The following HUNK variants were observed in gnomAD, a reference collection of about 807,000 sequenced individuals.
The protein encoded by HUNK is hormonally up-regulated Neu-associated kinase.
Under a neutral mutation model 61.0 loss-of-function variants are expected in HUNK, and 21 were observed. The observed-to-expected ratio is 0.34, with a 90% CI of 0.24 to 0.50. HUNK has a LOEUF of 0.50. HUNK is among the 20% of genes least tolerant of loss of function. The probability of loss-of-function intolerance (pLI) is 0.98; values close to 1 mark genes in which losing one functional copy is unlikely to be tolerated. For synonymous variants in HUNK, 371 were observed against 386.1 expected, an observed-to-expected ratio of 0.96 and a Z score of 0.46; for missense variants, 772 against 945.7, an observed-to-expected ratio of 0.82 and a Z score of 2.41.
intron 9 of HUNK, among the ~76,000 whole-genome samples, chr21:31,993,006 AG>A (rs776110390): frequency 6.6e-6 from 1 of 152,264 alleles, no homozygotes; most frequent in East Asian, 1.9e-4. Context: ...AGGATATGCT[AG>A]GGGTTCTTGG....
intron 7 of HUNK, 24 bp downstream of exon 7, chr21:31,974,741 C>A (rs770525630): frequency 6.3e-7 from 1 of 1,594,970 alleles, no homozygotes; most frequent in Non-Finnish European, 8.5e-7. Context: ...TAGAGGCGAT[C>A]GTCTCTGCTG....
chr21:31,890,593 G>C (rs928833941), intron 1 of HUNK, among the ~76,000 whole-genome samples: 115 of 152,308 alleles, frequency 7.6e-4, no homozygotes, highest in African/African-American at 2.5e-3. Flanking sequence ...TGGAGTTGCT[G>C]TAATTTTTAA....
intron 5 of HUNK, 118 bp from the exon 6 acceptor site, chr21:31,968,132 A>G: frequency 8.3e-7 from 1 of 1,202,230 alleles, no homozygotes; most frequent in Admixed American, 2.0e-5. Context: ...AGAAGAGATC[A>G]CCCCAGCAGT....
Position 31,974,701 on chromosome 21 carries a change from A to G in HUNK, c.1157A>G (p.Glu386Gly). The G allele has an allele frequency of 6.2e-7, 1 of 1,613,486 alleles. No individual in the cohort carries two copies. The highest frequency in any genetic ancestry group is 8.5e-7 in the Non-Finnish European group (1 of 1,179,754). Residue 386 changes from glutamate (E) to glycine (G), a missense_variant, in exon 7 of 11, where the codon GAG (glutamate) becomes GGG (glycine). Physicochemically the swap from Glu to Gly is moderately conservative, Grantham distance 98. Coordinates refer to ENST00000270112, the MANE Select transcript of HUNK (RefSeq NM_014586.2). ...TACTTCCTCTTAAACAAGAAACTGG[A>G]GCGCTATTTGTCAGGGGTAAGTGCG... is the stretch of plus-strand genomic sequence containing the variant. Reference protein sequence around the residue: ...AIYFLLNKKLERYLSGKSDIQ... With the variant: ...AIYFLLNKKLGRYLSGKSDIQ...
rs186510199 is a variant in HUNK at position 31,927,751 on chromosome 21, C to T, written c.554+2991C>T. ...GTGGAGAGAGCTGCCTCCTTACTAACGGGATTGGTGCCGTGGGATGCTCTG... is the reference window on the plus strand; with the variant it reads ...GTGGAGAGAGCTGCCTCCTTACTAATGGGATTGGTGCCGTGGGATGCTCTG... On this transcript the variant is annotated intron_variant, in intron 2 of 10. Coordinates refer to ENST00000270112, the MANE Select transcript of HUNK (RefSeq NM_014586.2). 3.3e-5 allele frequency among the ~76,000 whole-genome samples: 5 copies of T among 152,254 alleles called. No individual in the cohort carries two copies. The East Asian group carries it at 7.8e-4, about 24-fold the overall frequency.
At chr21:31,948,727 A>G (rs1334629546) in intron 4 of HUNK, among the ~76,000 whole-genome samples, 1 of 152,094 alleles carries the variant, frequency 6.6e-6, no homozygotes, top group East Asian at 1.9e-4. Flanking sequence ...CATCCAGGGA[A>G]ACAGAAGCTG....
chr21:31,925,879 A>C (rs1316330995), intron 2 of HUNK, among the ~76,000 whole-genome samples: 5 of 152,152 alleles, frequency 3.3e-5, no homozygotes, highest in Non-Finnish European at 4.4e-5. Flanking sequence ...CCTTTGTGGA[A>C]TTATGATCAA....
intron 5 of HUNK, among the ~76,000 whole-genome samples, chr21:31,965,598 T>C (rs376503419): frequency 6.2e-4 from 92 of 148,714 alleles, no homozygotes; most frequent in African/African-American, 1.9e-3. Flanking sequence ...GTTTTTCTTT[T>C]TTTTTTTTTT....
At chr21:31,951,654 A>G (rs907795327) in intron 4 of HUNK, among the ~76,000 whole-genome samples, 1 of 151,742 alleles carries the variant, frequency 6.6e-6, no homozygotes, top group African/African-American at 2.4e-5. Flanking sequence ...CACATAGTGG[A>G]AAAAAAAATC....
At chr21:31,903,441 G>C (rs931565075) in intron 1 of HUNK, among the ~76,000 whole-genome samples, 1 of 151,756 alleles carries the variant, frequency 6.6e-6, no homozygotes, top group Non-Finnish European at 1.5e-5. Flanking sequence ...AGTAAAAAAT[G>C]TTCGCTAGGT....
At chr21:31,977,903 G>T (rs2053062075) in intron 7 of HUNK, among the ~76,000 whole-genome samples, 1 of 152,198 alleles carries the variant, frequency 6.6e-6, no homozygotes, top group Admixed American at 6.5e-5. Context: ...TCGCCATGTT[G>T]CCCAGGCTGG....
At chr21:31,989,680 C>T (rs956509169) in intron 8 of HUNK, among the ~76,000 whole-genome samples, 1 of 144,138 alleles carries the variant, frequency 6.9e-6, no homozygotes, top group Non-Finnish European at 1.5e-5. Flanking sequence ...TGCTACTGCA[C>T]TCTAACCTGT....
At chr21:31,911,416 T>C (rs921539143) in intron 1 of HUNK, among the ~76,000 whole-genome samples, 4 of 152,000 alleles carry the variant, frequency 2.6e-5, no homozygotes, top group African/African-American at 9.7e-5. Context: ...ATCTTAGAGG[T>C]TGAGGGAGTG....
intron 1 of HUNK, among the ~76,000 whole-genome samples, chr21:31,906,336 C>A (rs2052505214): frequency 6.6e-6 from 1 of 152,194 alleles, no homozygotes; most frequent in African/African-American, 2.4e-5. Context: ...ATTCTCATTA[C>A]AAATGTGGGT....
intron 8 of HUNK, among the ~76,000 whole-genome samples, chr21:31,989,360 A>T (rs2053155505): frequency 6.6e-6 from 1 of 152,210 alleles, no homozygotes; most frequent in Non-Finnish European, 1.5e-5. Context: ...CAAAATCTAT[A>T]TAACTTTAAA....
intron 4 of HUNK, among the ~76,000 whole-genome samples, chr21:31,953,216 G>A (rs571875959): frequency 6.6e-6 from 1 of 150,676 alleles, no homozygotes; most frequent in African/African-American, 2.4e-5. Flanking sequence ...AGCTAGGAGT[G>A]TTTGACTGTT....
At chr21:31,904,539 A>G (rs2052491716) in intron 1 of HUNK, among the ~76,000 whole-genome samples, 1 of 152,228 alleles carries the variant, frequency 6.6e-6, no homozygotes, top group African/African-American at 2.4e-5. Context: ...CATGTGACAG[A>G]GAGAAAAGGA....
At chr21:31,899,840 C>T (rs898574343) in intron 1 of HUNK, among the ~76,000 whole-genome samples, 1 of 151,484 alleles carries the variant, frequency 6.6e-6, no homozygotes, top group Non-Finnish European at 1.5e-5. Flanking sequence ...TTCAGTGGTG[C>T]GTTCTTGGCT....
At chr21:31,922,896 C>T (rs1475025323) in intron 1 of HUNK, among the ~76,000 whole-genome samples, 1 of 152,088 alleles carries the variant, frequency 6.6e-6, no homozygotes, top group African/African-American at 2.4e-5. Flanking sequence ...AGAGAAATAA[C>T]AAGAAATGGA....
Sources: gnomAD v4.1 joint callset for allele counts (sites outside exome capture counted in the v4.1 genomes callset) on GRCh38, gnomAD v4.1.1 for gene constraint, MANE v1.5 for transcripts, NCBI Gene and HGNC (gene_info 2026-07-23, HGNC 2026-07-21) for gene names.